XKR6: variants seen among roughly 807,000 people sequenced by gnomAD.
XKR6 encodes the protein XK-related protein 6.
In XKR6, 22 loss-of-function variants were observed where a neutral mutation model predicts 56.7. The ratio of observed to expected loss-of-function variants is 0.39; its 90% confidence interval spans 0.28 to 0.55. The LOEUF (loss-of-function observed/expected upper bound fraction) is 0.55, where lower values mean the gene tolerates loss of function less well. Among genes scored for constraint, XKR6 ranks in the 20% least tolerant of loss-of-function variants. The probability of loss-of-function intolerance (pLI) is 0.66; values close to 1 mark genes in which losing one functional copy is unlikely to be tolerated. For missense variants in XKR6, 852 were observed against 889.0 expected, an observed-to-expected ratio of 0.96 and a Z score of 0.53; for synonymous variants, 524 against 387.8, an observed-to-expected ratio of 1.35 and a Z score of -4.13.
At chr8:11,031,134 G>C (rs1261243681) in intron 1 of XKR6, among the ~76,000 whole-genome samples, 1 of 152,176 alleles carries the variant, frequency 6.6e-6, no homozygotes, top group African/African-American at 2.4e-5. Context: ...GCTACTGATT[G>C]AACCAGAGGT....
chr8:11,033,067 G>A (rs563223978), intron 1 of XKR6, among the ~76,000 whole-genome samples: 59 of 151,994 alleles, frequency 3.9e-4, no homozygotes, highest in African/African-American at 1.4e-3. Context: ...TGGTAATGTG[G>A]TGGTGACGAT....
At chr8:11,121,802 T>C (rs1053987272) in intron 1 of XKR6, among the ~76,000 whole-genome samples, 1 of 152,168 alleles carries the variant, frequency 6.6e-6, no homozygotes, top group African/African-American at 2.4e-5. Flanking sequence ...CCAACAATGA[T>C]AGACTGGATT....
At chr8:10,921,437 A>G (rs1181214017) in intron 2 of XKR6, among the ~76,000 whole-genome samples, 1 of 152,222 alleles carries the variant, frequency 6.6e-6, no homozygotes, top group African/African-American at 2.4e-5. Flanking sequence ...TCAGAGCCCT[A>G]TAAAAGGATG....
chr8:11,088,401 G>A (rs1011750633), intron 1 of XKR6, among the ~76,000 whole-genome samples: 2 of 152,104 alleles, frequency 1.3e-5, no homozygotes, highest in African/African-American at 4.8e-5. Flanking sequence ...TATTTATTTG[G>A]TCCACATCTC....
chr8:11,039,580 C>T (rs1003253797), intron 1 of XKR6, among the ~76,000 whole-genome samples: 3 of 152,220 alleles, frequency 2.0e-5, no homozygotes, highest in East Asian at 1.9e-4. Context: ...AGACAACACG[C>T]GCTGGCCCCA....
chr8:11,086,036 C>T (rs555754518), intron 1 of XKR6, among the ~76,000 whole-genome samples: 3 of 151,898 alleles, frequency 2.0e-5, no homozygotes, highest in East Asian at 2.0e-4. Flanking sequence ...GCAGGGGGCC[C>T]GAGTGCCCCG....
chr8:11,093,501 G>A (rs917512819), intron 1 of XKR6, among the ~76,000 whole-genome samples: 5 of 152,226 alleles, frequency 3.3e-5, no homozygotes, highest in Non-Finnish European at 7.3e-5. Context: ...GTGGCGTCTT[G>A]TGCCAGCAGC....
chr8:10,914,463 C>T (rs1800498623), intron 2 of XKR6, among the ~76,000 whole-genome samples: 1 of 152,178 alleles, frequency 6.6e-6, no homozygotes, highest in Admixed American at 6.5e-5. Context: ...CAGCTGGAAG[C>T]TCCCACGAGG....
chr8:11,000,454 G>A (rs1798212014), intron 1 of XKR6, among the ~76,000 whole-genome samples: 2 of 152,204 alleles, frequency 1.3e-5, no homozygotes, highest in African/African-American at 4.8e-5. Context: ...GGGAAACTGA[G>A]GTGGATGCAT....
intron 1 of XKR6, among the ~76,000 whole-genome samples, chr8:11,049,542 G>A (rs896942402): frequency 6.6e-6 from 1 of 152,122 alleles, no homozygotes; most frequent in Non-Finnish European, 1.5e-5. Context: ...ACACCACTAA[G>A]AGGGATTTTT....
chr8:11,180,401 T>C (rs1429224660), intron 1 of XKR6, among the ~76,000 whole-genome samples: 2 of 152,164 alleles, frequency 1.3e-5, no homozygotes, highest in Non-Finnish European at 2.9e-5. Flanking sequence ...CCTTGTATCA[T>C]AGTAAGTTTA....
In XKR6 at chr8:10,898,537, C is replaced by T. The variant is rs200587252; in HGVS notation, c.1341G>A (p.Thr447=). The T allele has an allele frequency of 6.4e-5, 103 of 1,614,052 alleles. No individual in the cohort carries two copies. Among genetic ancestry groups the T allele is most frequent in the South Asian group, 2.4e-4 (22 of 91,052 alleles). ...RTRYRMFAYY[T]IVLTENAALT... is the part of the protein sequence containing the mutation. ...AGGCAGCATTCTCGGTCAAGACTAT[C>T]GTATAATATGCAAACATTCGATATC... The change falls in exon 3 of 3, where the codon ACG becomes ACA. Residue 447 remains threonine (T), a synonymous_variant. Coordinates refer to ENST00000416569, the MANE Select transcript of XKR6 (RefSeq NM_173683.4). This position sits in a 1 kb window ranked among gnomAD's most constrained non-coding sequence, Gnocchi z 6.6.
intron 1 of XKR6, among the ~76,000 whole-genome samples, chr8:11,098,572 C>T (rs966670111): frequency 4.6e-5 from 7 of 152,174 alleles, no homozygotes; most frequent in Admixed American, 1.3e-4. Flanking sequence ...AAGCTTTCTC[C>T]ATAGGCTAGG....
chr8:11,197,312 G>A (rs549651525), intron 1 of XKR6, among the ~76,000 whole-genome samples: 3 of 152,222 alleles, frequency 2.0e-5, no homozygotes, highest in Non-Finnish European at 2.9e-5. Flanking sequence ...CTTCTTGACT[G>A]AAGAGAACTG....
At chr8:11,115,206 G>C (rs1799116024) in intron 1 of XKR6, among the ~76,000 whole-genome samples, 1 of 152,146 alleles carries the variant, frequency 6.6e-6, no homozygotes, top group South Asian at 2.1e-4. Context: ...CTCATCATGT[G>C]TCTGTCTCTT....
intron 1 of XKR6, among the ~76,000 whole-genome samples, chr8:11,052,792 G>A (rs901899933): frequency 6.6e-6 from 1 of 151,548 alleles, no homozygotes; most frequent in African/African-American, 2.4e-5. Flanking sequence ...GAAAGCTTGG[G>A]GACCTCTAGA....
At chr8:11,063,213 A>ATAAG (rs1445041805) in intron 1 of XKR6, among the ~76,000 whole-genome samples, 1 of 151,988 alleles carries the variant, frequency 6.6e-6, no homozygotes, top group Non-Finnish European at 1.5e-5. Flanking sequence ...AAATAAATAA[A>ATAAG]TAAATAAATA....
At chr8:11,190,680 G>T (rs1025321523) in intron 1 of XKR6, among the ~76,000 whole-genome samples, 6 of 152,124 alleles carry the variant, frequency 3.9e-5, no homozygotes, top group Non-Finnish European at 8.8e-5. Flanking sequence ...ATACCAAGAG[G>T]CCCCAGAGGT....
intron 1 of XKR6, among the ~76,000 whole-genome samples, chr8:11,049,325 C>A (rs1289164854): frequency 6.6e-6 from 1 of 152,206 alleles, no homozygotes; most frequent in South Asian, 2.1e-4. Flanking sequence ...CCCCTTTTCT[C>A]AGGACATGAC....
Sources: allele counts gnomAD v4.1 joint callset (sites outside exome capture counted in the v4.1 genomes callset), GRCh38; gene constraint gnomAD v4.1.1; non-coding constraint Gnocchi (gnomAD v3.1); transcripts MANE v1.5; gene names NCBI Gene and HGNC (gene_info 2026-07-23, HGNC 2026-07-21).